The following EML6 variants were observed in gnomAD, a reference collection of about 807,000 sequenced individuals.
EML6 encodes echinoderm microtubule-associated protein-like 6.
A neutral mutation model predicts 240.1 loss-of-function variants in EML6; 154 were observed. That is an observed-to-expected ratio of 0.64 (90% CI 0.56 to 0.73). The LOEUF (loss-of-function observed/expected upper bound fraction) is 0.73, where lower values mean the gene tolerates loss of function less well. Among genes scored for constraint, EML6 ranks in the 30% least tolerant of loss-of-function variants. The pLI is 0.00. For synonymous variants in EML6, 1,148 were observed against 899.0 expected (o/e 1.28, Z -4.95); for missense variants, 2,964 against 2,474.6 (o/e 1.20, Z -4.20).
At chr2:54,733,932 A>G (rs1463061155) in intron 2 of EML6, among the ~76,000 whole-genome samples, 1 of 152,202 alleles carries the variant, frequency 6.6e-6, no homozygotes, top group Non-Finnish European at 1.5e-5. Flanking sequence ...GTGGAGTAGA[A>G]GAGAAGGAGG....
At chr2:54,819,250 A>G (rs993089111) in intron 4 of EML6, among the ~76,000 whole-genome samples, 2 of 152,154 alleles carry the variant, frequency 1.3e-5, no homozygotes, top group African/African-American at 4.8e-5. Context: ...TCAGTGTGTC[A>G]TGGAATGCGT....
chr2:54,940,168 T>G (rs1558707637), intron 28 of EML6, among the ~76,000 whole-genome samples: 2 of 152,216 alleles, frequency 1.3e-5, no homozygotes, highest in Non-Finnish European at 2.9e-5. Context: ...AAAATTCCAC[T>G]GTAGTATTAG....
intron 17 of EML6, among the ~76,000 whole-genome samples, chr2:54,890,300 A>G (rs1440561246): frequency 6.6e-6 from 1 of 152,182 alleles, no homozygotes; most frequent in Non-Finnish European, 1.5e-5. Context: ...CTATATTCGT[A>G]AGGCAGATCG....
intron 12 of EML6, among the ~76,000 whole-genome samples, chr2:54,862,406 T>C (rs1330648738): frequency 1.3e-5 from 1 of 79,360 alleles, no homozygotes; most frequent in African/African-American, 5.0e-5. Context: ...AAAAATTCAA[T>C]AGAGAGGTTC....
intron 15 of EML6, 131 bp from the exon 16 acceptor site, chr2:54,871,369 A>G: frequency 4.4e-6 from 3 of 675,406 alleles, no homozygotes; most frequent in Non-Finnish European, 7.8e-6. Context: ...ATTGTAGCAG[A>G]TGATTTCCTA....
intron 26 of EML6, among the ~76,000 whole-genome samples, chr2:54,918,819 C>G (rs1405498558): frequency 5.9e-5 from 9 of 152,184 alleles, no homozygotes; most frequent in Admixed American, 5.2e-4. Context: ...CTTAATCTCT[C>G]CTTCTAATAA....
chr2:54,749,806 G>A (rs370284725), intron 2 of EML6, among the ~76,000 whole-genome samples: 108 of 152,254 alleles, frequency 7.1e-4, no homozygotes, highest in African/African-American at 2.4e-3. Flanking sequence ...CCTAATTTAC[G>A]TAATTGTCTG....
intron 21 of EML6, 110 bp from the exon 22 acceptor site, chr2:54,899,531 A>G (rs1347843296): frequency 1.6e-5 from 17 of 1,092,584 alleles, no homozygotes; most frequent in East Asian, 2.8e-5. Flanking sequence ...GTTTATTCCT[A>G]TTTGTGCTTT....
At chr2:54,922,933 CT>C (rs36078208) in intron 26 of EML6, among the ~76,000 whole-genome samples, 7,809 of 73,846 alleles carry the variant, frequency 0.11, 240 homozygotes, top group South Asian at 0.18. Flanking sequence ...AGGGTATAAA[CT>C]TTTTTTTTTT....
Position 54,922,311 on chromosome 2 carries a change from A to G in EML6, c.3675+5376A>G, listed in dbSNP as rs1165927900. On this transcript the variant is annotated intron_variant, in intron 26 of 41. Coordinates refer to ENST00000356458, the MANE Select transcript of EML6 (RefSeq NM_001039753.4). ...CAACAGGTATGTGAAAAGATGTTCA[A>G]CATCACTTTTTAGGGAAATGTAAGT... 2.6e-5 allele frequency among the ~76,000 whole-genome samples: 4 copies of G among 152,354 alleles called. No homozygotes were observed. In the South Asian group the frequency reaches 8.3e-4, roughly 32 times the overall value.
chr2:54,863,979 TAGACAA>T, intron 13 of EML6, 90 bp downstream of exon 13: 1 of 693,076 alleles, frequency 1.4e-6, no homozygotes, highest in Non-Finnish European at 2.4e-6. Context: ...GACTGGCACT[TAGACAA>T]AGAGAATTGA....
At chr2:54,888,927 G>A (rs977342244) in intron 17 of EML6, among the ~76,000 whole-genome samples, 1 of 152,158 alleles carries the variant, frequency 6.6e-6, no homozygotes, top group African/African-American at 2.4e-5. Flanking sequence ...AGTTTTGTGA[G>A]AAATTGCCAA....
intron 2 of EML6, among the ~76,000 whole-genome samples, chr2:54,740,858 A>G (rs1447154136): frequency 6.6e-6 from 1 of 152,172 alleles, no homozygotes; most frequent in Non-Finnish European, 1.5e-5. Flanking sequence ...TGGCCTACTG[A>G]TAATGACTTT....
chr2:54,892,621 G>C lies in EML6; in HGVS notation c.2707G>C (p.Asp903His), dbSNP rs1050216335. 3.2e-6 allele frequency: 5 copies of C among 1,551,776 alleles called. No homozygotes were observed. Among genetic ancestry groups the C allele is most frequent in the Admixed American group, 2.0e-5 (1 of 50,994 alleles). ...ILLLKTVKAH[D>H]GPVFAMYALD... ...ACTACTGAAGACAGTGAAAGCTCATGATGGGCCTGTGTTTGCTATGTATGC... is the reference window on the plus strand; with the variant it reads ...ACTACTGAAGACAGTGAAAGCTCATCATGGGCCTGTGTTTGCTATGTATGC... Residue 903 changes from aspartate (D) to histidine (H), a missense_variant, in exon 19 of 42, where the codon GAT becomes CAT. By Grantham distance (81) the Asp-to-His change is moderately conservative (BLOSUM62 -1). Transcript: ENST00000356458.
chr2:54,929,533 A>C (rs1219580550), intron 28 of EML6, among the ~76,000 whole-genome samples: 3 of 152,238 alleles, frequency 2.0e-5, no homozygotes, highest in Non-Finnish European at 4.4e-5. Context: ...TTGGCTGTTC[A>C]CATTGAGGTA....
At chr2:54,866,725 A>G (rs1469238834) in intron 13 of EML6, 41 bp from the exon 14 acceptor site, 2 of 1,210,680 alleles carry the variant, frequency 1.7e-6, no homozygotes, top group East Asian at 2.6e-5. Flanking sequence ...TTGGAACCTG[A>G]TGAAAGGCAT....
In EML6 at chr2:54,773,564, T is replaced by C. The variant is rs748672220; in HGVS notation, c.198-39668T>C. 5.7e-4 allele frequency among the ~76,000 whole-genome samples: 87 copies of C among 152,324 alleles called. 1 individual carries two copies. The highest frequency in any genetic ancestry group is 1.2e-3 in the Admixed American group (18 of 15,306). ...AGGGGAATTTCAAGACTAAAGGAGA[T>C]GTATGAAGTATTGGTTTCTGACATC... is the stretch of plus-strand genomic sequence containing the variant. On this transcript the variant is annotated intron_variant, in intron 2 of 41. Coordinates refer to ENST00000356458, the MANE Select transcript of EML6 (RefSeq NM_001039753.4).
At chr2:54,758,913 G>C (rs72806701) in intron 2 of EML6, among the ~76,000 whole-genome samples, 1 of 151,028 alleles carries the variant, frequency 6.6e-6, no homozygotes, top group South Asian at 2.1e-4. Flanking sequence ...CATAAAATAT[G>C]GGTGGTTCAT....
At chr2:54,896,138 C>T (rs1478059613) in intron 21 of EML6, among the ~76,000 whole-genome samples, 3 of 152,178 alleles carry the variant, frequency 2.0e-5, no homozygotes, top group Non-Finnish European at 2.9e-5. Flanking sequence ...TCCTTTACCT[C>T]CACCTCCAAG....
Sources: gnomAD v4.1 joint callset for allele counts (sites outside exome capture counted in the v4.1 genomes callset) on GRCh38, gnomAD v4.1.1 for gene constraint, MANE v1.5 for transcripts, NCBI Gene and HGNC (gene_info 2026-07-23, HGNC 2026-07-21) for gene names.